CCDC148: variants seen among roughly 807,000 people sequenced by gnomAD.
CCDC148 encodes the protein coiled-coil domain-containing protein 148.
A neutral mutation model predicts 85.7 loss-of-function variants in CCDC148; 89 were observed. The observed-to-expected ratio is 1.04, with a 90% CI of 0.87 to 1.24. The LOEUF is 1.24. CCDC148 is among the 50% of genes most tolerant of loss of function. The probability of loss-of-function intolerance (pLI) is 0.00; values close to 1 mark genes in which losing one functional copy is unlikely to be tolerated. For synonymous variants in CCDC148, 230 were observed against 213.9 expected, an observed-to-expected ratio of 1.08 and a Z score of -0.66; for missense variants, 692 against 671.7, an observed-to-expected ratio of 1.03 and a Z score of -0.33.
At position 158,450,877 on chromosome 2, in the gene CCDC148, C is replaced by G. The variant is rs114780748; in HGVS notation, c.25+5538G>C. 4.6e-3 allele frequency among the ~76,000 whole-genome samples: 697 copies of G among 152,224 alleles called. 1 individual carries two copies. The highest frequency in any genetic ancestry group is 0.015 in the African/African-American group (639 of 41,542). ...GGGAAGTTTTAGGACATTGCTTCTT[C>G]AAATATTTTTTCTATACCCTTCTAT... is the stretch of plus-strand genomic sequence containing the variant. On this transcript the variant is annotated intron_variant, in intron 1 of 13. Transcript: ENST00000283233.
intron 10 of CCDC148, among the ~76,000 whole-genome samples, chr2:158,233,022 T>G (rs957562239): frequency 3.9e-5 from 6 of 152,192 alleles, no homozygotes; most frequent in African/African-American, 1.4e-4. Flanking sequence ...ATATTCGGAA[T>G]GTTTCCAACA....
chr2:158,354,758 G>T (rs4278891), intron 2 of CCDC148, among the ~76,000 whole-genome samples: 2 of 148,346 alleles, frequency 1.3e-5, no homozygotes, highest in African/African-American at 2.5e-5. Context: ...TACCAAAGCC[G>T]GGCAGAGACA....
chr2:158,199,062 T>C (rs769004321), intron 11 of CCDC148, among the ~76,000 whole-genome samples: 2 of 152,064 alleles, frequency 1.3e-5, no homozygotes, highest in African/African-American at 4.8e-5. Flanking sequence ...ATAGGCTTGA[T>C]AGGGAGAACA....
At position 158,178,928 on chromosome 2, in the gene CCDC148, G is replaced by A; in HGVS notation, c.1439C>T (p.Ala480Val). 1 of 1,613,564 alleles carries A rather than the reference G, an allele frequency of 6.2e-7. No homozygotes were observed. The highest frequency in any genetic ancestry group is 8.5e-7 in the Non-Finnish European group (1 of 1,179,764). The change falls in exon 12 of 14, where the codon GCT (alanine) becomes GTT (valine). Residue 480 changes from alanine (A) to valine (V), a missense_variant. By Grantham distance (64) the Ala-to-Val change is moderately conservative (BLOSUM62 0). Coordinates refer to ENST00000283233, the MANE Select transcript of CCDC148 (RefSeq NM_138803.4). Reference sequence around the variant, plus strand: ...CCGTGCTCTCTCTTTGTCTTCATGAGCTTCTTGAAGGGCCACTTCCTTTTT... The same window carrying A: ...CCGTGCTCTCTCTTTGTCTTCATGAACTTCTTGAAGGGCCACTTCCTTTTT... Reference protein sequence around the residue: ...MEKKEVALQEAHEDKERARRL... With the variant: ...MEKKEVALQEVHEDKERARRL...
chr2:158,172,345 T>C, intron 13 of CCDC148, 86 bp from the exon 14 acceptor site: 4 of 1,106,462 alleles, frequency 3.6e-6, no homozygotes, highest in Non-Finnish European at 5.2e-6. Flanking sequence ...CCCAAACTAA[T>C]TTGTTTTTAC....
At chr2:158,410,758 A>C (rs1294891870) in intron 1 of CCDC148, among the ~76,000 whole-genome samples, 2 of 152,176 alleles carry the variant, frequency 1.3e-5, no homozygotes, top group Non-Finnish European at 2.9e-5. Flanking sequence ...CCATTATGGT[A>C]TTAAATTATT....
At chr2:158,187,778 C>T (rs754083911) in intron 11 of CCDC148, among the ~76,000 whole-genome samples, 2 of 152,152 alleles carry the variant, frequency 1.3e-5, no homozygotes, top group Non-Finnish European at 2.9e-5. Context: ...TTAAAAACTA[C>T]TTCTGAGAAA....
At chr2:158,308,995 A>G (rs1691834773) in intron 9 of CCDC148, among the ~76,000 whole-genome samples, 1 of 152,178 alleles carries the variant, frequency 6.6e-6, no homozygotes, top group South Asian at 2.1e-4. Flanking sequence ...CACACAGCCC[A>G]GCAAGCTTGC....
chr2:158,218,893 G>A (rs1687027008), intron 11 of CCDC148, among the ~76,000 whole-genome samples: 2 of 152,244 alleles, frequency 1.3e-5, no homozygotes, highest in South Asian at 4.1e-4. Context: ...CTAAAATCCT[G>A]AGCTACCTGG....
At chr2:158,437,317 T>A (rs966880092) in intron 1 of CCDC148, among the ~76,000 whole-genome samples, 1 of 152,184 alleles carries the variant, frequency 6.6e-6, no homozygotes, top group Admixed American at 6.5e-5. Context: ...ACAAGGCTGG[T>A]TCAACATACG....
chr2:158,245,312 A>G lies in CCDC148; in HGVS notation c.1251+5460T>C, dbSNP rs569942660. On this transcript the variant is annotated intron_variant, in intron 10 of 13. Transcript: ENST00000283233. ...CAAGTGCCAATGTTCTACCAAAGCCATGTCTTTTGGTATTTATTGGTATGA... is the reference window on the plus strand; with the variant it reads ...CAAGTGCCAATGTTCTACCAAAGCCGTGTCTTTTGGTATTTATTGGTATGA... Among the ~76,000 whole-genome samples the G allele has an allele frequency of 3.3e-5, 5 of 152,296 alleles. No individual in the cohort carries two copies. In the East Asian group the frequency reaches 9.7e-4, roughly 29 times the overall value.
chr2:158,186,976 C>A (rs995698430), intron 11 of CCDC148, among the ~76,000 whole-genome samples: 16 of 152,014 alleles, frequency 1.1e-4, no homozygotes, highest in African/African-American at 3.6e-4. Flanking sequence ...AACTCTAATT[C>A]TTTGTTGAAA....
At chr2:158,404,708 G>T (rs1363331005) in intron 1 of CCDC148, among the ~76,000 whole-genome samples, 1 of 152,028 alleles carries the variant, frequency 6.6e-6, no homozygotes, top group Non-Finnish European at 1.5e-5. Context: ...GAAAAAAATA[G>T]CTCAGCAGTT....
intron 11 of CCDC148, among the ~76,000 whole-genome samples, chr2:158,180,207 A>G (rs1684825426): frequency 6.6e-6 from 1 of 152,142 alleles, no homozygotes; most frequent in Admixed American, 6.5e-5. Flanking sequence ...AGACACCTTC[A>G]CTAGACCTTT....
intron 1 of CCDC148, among the ~76,000 whole-genome samples, chr2:158,362,723 G>A (rs1005828534): frequency 6.6e-5 from 10 of 152,124 alleles, no homozygotes; most frequent in Admixed American, 3.3e-4. Context: ...GCATGGGAAA[G>A]ATCTAAAATT....
At chr2:158,202,167 G>A (rs4233674) in intron 11 of CCDC148, among the ~76,000 whole-genome samples, 74,700 of 152,024 alleles carry the variant, frequency 0.49, 18,830 homozygotes, top group Middle Eastern at 0.55. Flanking sequence ...GAAAAATATT[G>A]TCATTGTTCC....
chr2:158,317,850 T>C (rs1178632861), intron 7 of CCDC148, among the ~76,000 whole-genome samples: 1 of 152,202 alleles, frequency 6.6e-6, no homozygotes, highest in Non-Finnish European at 1.5e-5. Flanking sequence ...AAATGGTAAT[T>C]AGTGCCTCCT....
intron 9 of CCDC148, among the ~76,000 whole-genome samples, chr2:158,266,884 A>G (rs1439038616): frequency 6.8e-6 from 1 of 146,556 alleles, no homozygotes; most frequent in Non-Finnish European, 1.5e-5. Context: ...ACATATATAT[A>G]TATTTATTTA....
intron 7 of CCDC148, among the ~76,000 whole-genome samples, chr2:158,328,172 C>A (rs989778726): frequency 6.6e-6 from 1 of 152,108 alleles, no homozygotes; most frequent in African/African-American, 2.4e-5. Flanking sequence ...CCTCCGCCCA[C>A]CCCACAACAG....
Sources: allele counts gnomAD v4.1 joint callset (sites outside exome capture counted in the v4.1 genomes callset), GRCh38; gene constraint gnomAD v4.1.1; transcripts MANE v1.5; gene names NCBI Gene and HGNC (gene_info 2026-07-23, HGNC 2026-07-21).